ING5: variants seen among roughly 807,000 people sequenced by gnomAD.
ING5 encodes the protein inhibitor of growth family member 5.
Under a neutral mutation model 37.4 loss-of-function variants are expected in ING5, and 17 were observed. The ratio of observed to expected loss-of-function variants is 0.45; its 90% CI spans 0.31 to 0.68. The LOEUF (loss-of-function observed/expected upper bound fraction) is 0.68. Among genes scored for constraint, ING5 ranks in the 30% least tolerant of loss-of-function variants. ING5 has a pLI of 0.05. For synonymous variants in ING5, 123 were observed against 116.6 expected (o/e 1.06, Z -0.36); for missense variants, 233 against 311.9 (o/e 0.75, Z 1.91).
intron 1 of ING5, among the ~76,000 whole-genome samples, chr2:241,703,134 A>T (rs1355380983): frequency 1.3e-5 from 2 of 151,836 alleles, no homozygotes; most frequent in Non-Finnish European, 2.9e-5. Flanking sequence ...GCTGGAGGGG[A>T]GGCCTTCTCT....
At chr2:241,712,956 G>C (rs187270461) in intron 5 of ING5, among the ~76,000 whole-genome samples, 1 of 148,170 alleles carries the variant, frequency 6.7e-6, no homozygotes, top group Admixed American at 6.8e-5. Context: ...AGCCACGATC[G>C]CACCACTACA....
Position 241,729,365 on chromosome 2 carries a change from G to A in ING5, c.*4334G>A, listed in dbSNP as rs1213881593. 1 of 152,608 alleles carries A rather than the reference G, an allele frequency of 6.6e-6. No individual in the cohort carries two copies. The highest frequency in any genetic ancestry group is 6.5e-5 in the Admixed American group (1 of 15,286). 9.5% of individuals were successfully genotyped at this position (152,608 alleles called of 1,614,324 possible). A position where few individuals can be genotyped will look rare whatever the true frequency, so the allele number is the denominator to read the frequency against. ...ATCTATGTTCCCTTTGTAAAGGAAA[G>A]ATAATGTTGTAAATCTTTTTATTAG... On this transcript the variant is annotated 3_prime_UTR_variant, in exon 8 of 8. Transcript: ENST00000313552.
intron 2 of ING5, among the ~76,000 whole-genome samples, chr2:241,692,937 T>C (rs574578602): frequency 6.6e-6 from 1 of 152,178 alleles, no homozygotes; most frequent in Non-Finnish European, 1.5e-5. Context: ...AAACTGTTGG[T>C]CCTATCACAT....
Position 241,722,946 on chromosome 2 carries a change from T to C in ING5, c.490T>C (p.Phe164Leu), listed in dbSNP as rs772820477. 1.9e-6 allele frequency: 3 copies of C among 1,613,884 alleles called. No individual in the cohort carries two copies. Among genetic ancestry groups the C allele is most frequent in the Non-Finnish European group, 2.5e-6 (3 of 1,179,988 alleles). The change falls in exon 6 of 8, where the codon TTC becomes CTC. Residue 164 changes from phenylalanine (F) to leucine (L), a missense_variant. Physicochemically the swap from Phe to Leu is conservative, Grantham distance 22. Transcript: ENST00000313552. ...KKKKHKGGSE[F>L]TDTILSVHPS... ...GTGCCCTGTCCCCTGCAGGTCTGAG[T>C]TCACTGACACCATCCTGTCCGTGCA...
At chr2:241,722,192 C>T (rs992683444) in intron 5 of ING5, 31 of 985,258 alleles carry the variant, frequency 3.1e-5, no homozygotes, top group South Asian at 9.4e-5. Context: ...GCTGCTCTGA[C>T]ACCTGTCAGT....
chr2:241,704,735 A>T lies in ING5; in HGVS notation c.109+11A>T. ...ACCAGAGGACGGAAGGTGGGTTCAG[A>T]CCTCTCCATACAACCAGAACTGAGT... On this transcript the variant is annotated intron_variant, in intron 2 of 7. Coordinates refer to ENST00000313552, the MANE Select transcript of ING5 (RefSeq NM_032329.6). 6.2e-7 allele frequency: 1 copy of T among 1,606,380 alleles called. No homozygotes were observed. Among genetic ancestry groups the T allele is most frequent in the Non-Finnish European group, 8.5e-7 (1 of 1,172,976 alleles).
intron 5 of ING5, chr2:241,719,937 A>T: frequency 1.5e-6 from 2 of 1,291,314 alleles, no homozygotes; most frequent in Non-Finnish European, 2.0e-6. Context: ...CTCTGGATCT[A>T]GCTTGTGTGT....
At chr2:241,694,764 A>T (rs1369626457) in intron 2 of ING5, among the ~76,000 whole-genome samples, 1 of 146,718 alleles carries the variant, frequency 6.8e-6, no homozygotes, top group African/African-American at 2.5e-5. Flanking sequence ...TCACACTGTA[A>T]TTCTAGCACT....
intron 2 of ING5, among the ~76,000 whole-genome samples, chr2:241,690,861 C>T (rs887905512): frequency 3.3e-5 from 5 of 151,426 alleles, no homozygotes; most frequent in African/African-American, 9.7e-5. Context: ...GGCTGGAGTC[C>T]AGTGGTGTGA....
chr2:241,719,643 G>T, intron 5 of ING5: 1 of 1,535,590 alleles, frequency 6.5e-7, no homozygotes, highest in South Asian at 1.2e-5. Flanking sequence ...GCAGGCACTG[G>T]GGGTCCTCGT....
Position 241,727,146 on chromosome 2 carries a change from A to G in ING5, c.*2115A>G, listed in dbSNP as rs1344241133. 1.3e-5 allele frequency: 2 copies of G among 151,724 alleles called. No individual in the cohort carries two copies. Among genetic ancestry groups the G allele is most frequent in the East Asian group, 3.9e-4 (2 of 5,128 alleles). 9.4% of individuals were successfully genotyped at this position (151,724 alleles called of 1,614,324 possible). ...GAGACGGGGTTTCACCATATTGGCC[A>G]GACTGGTCTCAAACTCCTGGGGTCA... On this transcript the variant is annotated 3_prime_UTR_variant, in exon 8 of 8. Coordinates refer to ENST00000313552, the MANE Select transcript of ING5 (RefSeq NM_032329.6).
chr2:241,707,224 G>A (rs577401281), intron 2 of ING5, among the ~76,000 whole-genome samples: 2 of 152,088 alleles, frequency 1.3e-5, no homozygotes, highest in East Asian at 3.9e-4. Context: ...CTCCCAAAGT[G>A]CTGGTATTAC....
At chr2:241,712,497 A>ATAT (rs1340934512) in intron 5 of ING5, 7 of 157,968 alleles carry the variant, frequency 4.4e-5, no homozygotes, top group Admixed American at 2.5e-4. Flanking sequence ...TATAGTGTGC[A>ATAT]TATATTCATT....
At chr2:241,709,164 G>A in intron 2 of ING5, 52 bp from the exon 3 acceptor site, 1 of 1,548,356 alleles carries the variant, frequency 6.5e-7, no homozygotes, top group Non-Finnish European at 8.8e-7. Flanking sequence ...AGTCTGGTGA[G>A]CACATCATGG....
At chr2:241,719,480 C>A in intron 5 of ING5, 2 of 1,365,916 alleles carry the variant, frequency 1.5e-6, no homozygotes, top group South Asian at 1.2e-5. Context: ...TTTTCTAACT[C>A]AGTGGCAACA....
intron 2 of ING5, among the ~76,000 whole-genome samples, chr2:241,692,171 C>T (rs1238277102): frequency 1.3e-5 from 2 of 152,184 alleles, no homozygotes; most frequent in African/African-American, 4.8e-5. Context: ...ATGTGGTGAG[C>T]CCCTCTGAGC....
intron 1 of ING5, among the ~76,000 whole-genome samples, chr2:241,689,385 C>T (rs540494188): frequency 1.3e-5 from 2 of 152,222 alleles, no homozygotes; most frequent in Non-Finnish European, 2.9e-5. Flanking sequence ...GCTGGGATTA[C>T]AGACGTGAAC....
intron 5 of ING5, chr2:241,721,498 G>A (rs1459858456): frequency 4.1e-6 from 4 of 985,444 alleles, no homozygotes; most frequent in Non-Finnish European, 3.6e-6. Context: ...GTGTGTGTAT[G>A]TGTACAGGCA....
chr2:241,694,660 A>C (rs1012067754), intron 2 of ING5, among the ~76,000 whole-genome samples: 2 of 151,400 alleles, frequency 1.3e-5, no homozygotes, highest in East Asian at 4.0e-4. Context: ...GAAAGCAACC[A>C]GTGGCCATGC....
Sources: gnomAD v4.1 joint callset for allele counts (sites outside exome capture counted in the v4.1 genomes callset) on GRCh38, gnomAD v4.1.1 for gene constraint, MANE v1.5 for transcripts, NCBI Gene and HGNC (gene_info 2026-07-23, HGNC 2026-07-21) for gene names.